Variants in ADGRB3 observed in about 807,000 individuals in gnomAD.
The protein encoded by ADGRB3 is adhesion G protein-coupled receptor B3, also known as brain-specific angiogenesis inhibitor 3.
A neutral mutation model predicts 193.4 loss-of-function variants in ADGRB3; 37 were observed. The observed-to-expected ratio is 0.19, with a 90% CI of 0.15 to 0.25. The LOEUF (loss-of-function observed/expected upper bound fraction) is 0.25. Among genes scored for constraint, ADGRB3 ranks in the 10% least tolerant of loss-of-function variants. The pLI, the probability that ADGRB3 is intolerant of heterozygous loss-of-function variation, is 1.00. For synonymous variants in ADGRB3, 690 were observed against 644.2 expected, an observed-to-expected ratio of 1.07 and a Z score of -1.08; for missense variants, 1,637 against 1,852.9, an observed-to-expected ratio of 0.88 and a Z score of 2.14.
intron 17 of ADGRB3, among the ~76,000 whole-genome samples, chr6:69,205,021 T>C (rs1765506841): frequency 6.6e-6 from 1 of 152,184 alleles, no homozygotes. Context: ...ATTTTTCCTG[T>C]AATATGCTCA....
At chr6:68,652,026 TA>T (rs1380640062) in intron 3 of ADGRB3, among the ~76,000 whole-genome samples, 1 of 152,140 alleles carries the variant, frequency 6.6e-6, no homozygotes, top group Non-Finnish European at 1.5e-5. Flanking sequence ...CCTGCATATC[TA>T]TCTGTGCTTA....
In ADGRB3 at chr6:68,784,054, G is replaced by A. The variant is rs116592303; in HGVS notation, c.757+144622G>A. On this transcript the variant is annotated intron_variant, in intron 3 of 31. Coordinates refer to ENST00000370598, the MANE Select transcript of ADGRB3 (RefSeq NM_001704.3). ...TTGATTGGAGCCCTTTATTCATTTG[G>A]CTCAAAATTAAGACAATGATATCTG... 2.3e-3 allele frequency among the ~76,000 whole-genome samples: 352 copies of A among 151,982 alleles called. 1 individual carries two copies. The highest frequency in any genetic ancestry group is 8.1e-3 in the African/African-American group (335 of 41,492).
intron 3 of ADGRB3, among the ~76,000 whole-genome samples, chr6:68,776,543 G>A (rs1766751338): frequency 1.3e-5 from 2 of 152,094 alleles, no homozygotes; most frequent in East Asian, 3.9e-4. Context: ...GCTAAATGCA[G>A]ACTCCCACTC....
intron 15 of ADGRB3, among the ~76,000 whole-genome samples, chr6:69,054,752 T>A (rs1028585310): frequency 6.6e-6 from 1 of 152,156 alleles, no homozygotes; most frequent in South Asian, 2.1e-4. Flanking sequence ...TCTACATATC[T>A]TAGCAACCTA....
At chr6:69,178,150 C>CTT (rs895611937) in intron 17 of ADGRB3, among the ~76,000 whole-genome samples, 4 of 152,100 alleles carry the variant, frequency 2.6e-5, no homozygotes, top group African/African-American at 9.7e-5. Flanking sequence ...ATATATGCAT[C>CTT]TTTTGTTGAA....
At chr6:68,875,264 C>G (rs1328652803) in intron 3 of ADGRB3, among the ~76,000 whole-genome samples, 1 of 114,548 alleles carries the variant, frequency 8.7e-6, no homozygotes, top group Non-Finnish European at 1.9e-5. Context: ...CCTCCCCTCC[C>G]TTCCCCTCCC....
chr6:68,717,577 G>A (rs1320197963), intron 3 of ADGRB3, among the ~76,000 whole-genome samples: 1 of 151,554 alleles, frequency 6.6e-6, no homozygotes, highest in African/African-American at 2.4e-5. Context: ...CTCCAAGAGA[G>A]CTCCTGTACT....
intron 16 of ADGRB3, among the ~76,000 whole-genome samples, chr6:69,074,370 C>G (rs1582441199): frequency 6.6e-6 from 1 of 152,034 alleles, no homozygotes; most frequent in African/African-American, 2.4e-5. Context: ...AGGCACACCT[C>G]CAAAAGAGCT....
chr6:69,080,177 A>G (rs1407566873), intron 17 of ADGRB3, among the ~76,000 whole-genome samples: 1 of 152,112 alleles, frequency 6.6e-6, no homozygotes, highest in Non-Finnish European at 1.5e-5. Flanking sequence ...TAGCAAATAT[A>G]AAACTAACAC....
intron 3 of ADGRB3, among the ~76,000 whole-genome samples, chr6:68,706,645 A>G (rs549582628): frequency 5.9e-5 from 9 of 152,326 alleles, no homozygotes; most frequent in Admixed American, 2.6e-4. Flanking sequence ...CAATGGGGAT[A>G]ATGGTATTGT....
intron 17 of ADGRB3, among the ~76,000 whole-genome samples, chr6:69,207,487 A>G (rs1003805360): frequency 1.7e-4 from 26 of 152,196 alleles, no homozygotes; most frequent in Admixed American, 1.7e-3. Flanking sequence ...TAGAAGGAAT[A>G]TCTCAACAGA....
At chr6:69,022,289 G>T (rs945876155) in intron 13 of ADGRB3, among the ~76,000 whole-genome samples, 1 of 151,760 alleles carries the variant, frequency 6.6e-6, no homozygotes, top group Non-Finnish European at 1.5e-5. Context: ...GGAAAAGCAT[G>T]TGACTTTTTC....
chr6:69,031,063 T>TTTTTTTTC (rs1562128941), intron 13 of ADGRB3, among the ~76,000 whole-genome samples: 4 of 46,074 alleles, frequency 8.7e-5, no homozygotes, highest in Non-Finnish European at 1.8e-4. Flanking sequence ...TCTCTTCTCT[T>TTTTTTTTC]CTCTTCTCTT....
chr6:68,985,770 A>G (rs1769052205), intron 10 of ADGRB3, among the ~76,000 whole-genome samples: 1 of 152,128 alleles, frequency 6.6e-6, no homozygotes, highest in South Asian at 2.1e-4. Context: ...AGCATAATCT[A>G]TCCTATTCTG....
chr6:69,122,219 C>T (rs1009389393), intron 17 of ADGRB3, among the ~76,000 whole-genome samples: 3 of 151,732 alleles, frequency 2.0e-5, no homozygotes, highest in South Asian at 2.1e-4. Flanking sequence ...GAGGCTGAGA[C>T]GGGCAGACCA....
intron 29 of ADGRB3, among the ~76,000 whole-genome samples, chr6:69,363,302 T>G (rs1769491735): frequency 6.6e-6 from 1 of 152,028 alleles, no homozygotes; most frequent in Non-Finnish European, 1.5e-5. Flanking sequence ...AATTTGGTTC[T>G]TCATTTTCAT....
chr6:69,067,738 A>G (rs1771948977), intron 16 of ADGRB3, among the ~76,000 whole-genome samples: 5 of 152,148 alleles, frequency 3.3e-5, no homozygotes, highest in Admixed American at 3.3e-4. Context: ...ATGCTACTAG[A>G]CAAGGAGATT....
chr6:68,800,135 A>C (rs1019276402), intron 3 of ADGRB3, among the ~76,000 whole-genome samples: 1 of 152,126 alleles, frequency 6.6e-6, no homozygotes, highest in Admixed American at 6.6e-5. Flanking sequence ...TGGACTAGGA[A>C]GATAGTGAGG....
intron 3 of ADGRB3, among the ~76,000 whole-genome samples, chr6:68,875,245 CTCCCCTCCCCTCCCCTCCCT>C (rs1765566392): frequency 4.8e-4 from 1 of 2,078 alleles, no homozygotes; most frequent in Admixed American, 2.6e-3. Context: ...TCCCTCTGCC[CTCCCCTCCCCTCCCCTCCCT>C]TCCCCTCCCC....
Sources: gnomAD v4.1 joint callset for allele counts (sites outside exome capture counted in the v4.1 genomes callset) on GRCh38, gnomAD v4.1.1 for gene constraint, MANE v1.5 for transcripts, NCBI Gene and HGNC (gene_info 2026-07-23, HGNC 2026-07-21) for gene names.